ATM: variants seen among roughly 807,000 people sequenced by gnomAD.
ATM encodes the protein ATM serine/threonine kinase.
Under a neutral mutation model 387.0 loss-of-function variants are expected in ATM, and 308 were observed. The ratio of observed to expected loss-of-function variants is 0.80; its 90% CI spans 0.73 to 0.87. The LOEUF is 0.87. ATM is among the 40% of genes least tolerant of loss of function. The pLI is 0.00. For missense variants in ATM, 3,312 were observed against 3,560.9 expected, an observed-to-expected ratio of 0.93 and a Z score of 1.78; for synonymous variants, 1,156 against 1,187.3, an observed-to-expected ratio of 0.97 and a Z score of 0.54.
chr11:108,364,212 C>T (rs1002122471), intron 61 of ATM, among the ~76,000 whole-genome samples: 1 of 152,116 alleles, frequency 6.6e-6, no homozygotes, highest in Non-Finnish European at 1.5e-5. Flanking sequence ...ATACAGATAG[C>T]AGCAAAAAAG....
chr11:108,297,677 G>A (rs1408622195), intron 33 of ATM, among the ~76,000 whole-genome samples: 1 of 152,052 alleles, frequency 6.6e-6, no homozygotes, highest in Non-Finnish European at 1.5e-5. Context: ...TGAGTTATGC[G>A]GTGGTCATCT....
Position 108,244,975 on chromosome 11 carries a change from C to T in ATM, c.850C>T (p.Gln284Ter), listed in dbSNP as rs757782702. The T allele has an allele frequency of 6.2e-7, 1 of 1,612,684 alleles. No homozygotes were observed. The highest frequency in any genetic ancestry group is 1.3e-5 in the African/African-American group (1 of 74,990). ...AAAAGAAGTCATTATTGAATTATTT[C>T]AACTGCAAATTTATATCCATCATCC... ...SLKEVIIELF[Q>*]LQIYIHHPKG... Residue 284 changes from glutamine to a stop codon, truncating the protein, a stop_gained, in exon 7 of 63, where the codon CAA becomes TAA. Transcript: ENST00000675843. LOFTEE classifies it high-confidence loss of function.
At chr11:108,308,838 C>G in intron 38 of ATM, 1 of 578,554 alleles carries the variant, frequency 1.7e-6, no homozygotes, top group Non-Finnish European at 3.0e-6. Flanking sequence ...GTCTTTGCTT[C>G]TGGTTATTTT....
rs227075 is a variant in ATM at position 108,347,469 on chromosome 11, T to C, written c.8671+104T>C. 0.59 allele frequency: 582,279 copies of C among 983,180 alleles called. 174,588 individuals carry two copies. The highest frequency in any genetic ancestry group is 0.75 in the Middle Eastern group (2,311 of 3,068). 60.9% of individuals were successfully genotyped at this position (983,180 alleles called of 1,614,324 possible). A position where few individuals can be genotyped will look rare whatever the true frequency, so the allele number is the denominator to read the frequency against. On this transcript the variant is annotated intron_variant, in intron 59 of 62. Transcript: ENST00000675843. ...TTACAAATATAAGAGACAGATAAAT[T>C]GAAGCAGTAAATATTGGGTTTTTTT...
In ATM at chr11:108,279,537, C is replaced by T; in HGVS notation, c.3331C>T (p.Leu1111Phe). The T allele has an allele frequency of 6.2e-7, 1 of 1,613,762 alleles. No homozygotes were observed. The highest frequency in any genetic ancestry group is 1.1e-5 in the South Asian group (1 of 91,066). ...KGDSSRLLKA[L>F]PLKLQQTAFE... ...AGATTCTTCCAGGTTACTGAAAGCA[C>T]TTCCTTTGAAGCTTCAGCAAACAGC... Residue 1111 changes from leucine (L) to phenylalanine (F), a missense_variant, in exon 23 of 63, where the codon CTT becomes TTT. Leu to Phe is a conservative substitution (Grantham distance 22). Transcript: ENST00000675843.
chr11:108,356,950 G>A (rs1018928322), intron 61 of ATM, among the ~76,000 whole-genome samples: 1 of 152,188 alleles, frequency 6.6e-6, no homozygotes, highest in African/African-American at 2.4e-5. Context: ...AGCCAAGATG[G>A]CCGAATAGGA....
chr11:108,243,992 C>G lies in ATM; in HGVS notation c.536C>G (p.Ser179Ter), dbSNP rs2079698324. 2 of 1,608,972 alleles carry G rather than the reference C, an allele frequency of 1.2e-6. No individual in the cohort carries two copies. The highest frequency in any genetic ancestry group is 1.7e-6 in the Non-Finnish European group (2 of 1,177,382). The change falls in exon 6 of 63, where the codon TCA becomes TGA. Residue 179 changes from serine (S) to a stop codon, truncating the protein, a stop_gained. Transcript: ENST00000675843. LOFTEE classifies it high-confidence loss of function. ...SVYFRLYLKP[S>*]QDVHRVLVAR... ...TACTTCAGGCTCTATCTGAAACCTTCACAAGATGTTCATAGAGTTTTAGTG... is the reference window on the plus strand; with the variant it reads ...TACTTCAGGCTCTATCTGAAACCTTGACAAGATGTTCATAGAGTTTTAGTG...
intron 8 of ATM, among the ~76,000 whole-genome samples, chr11:108,247,956 T>G (rs994692448): frequency 1.3e-5 from 2 of 152,130 alleles, no homozygotes; most frequent in African/African-American, 4.8e-5. Flanking sequence ...CCCAATTCCC[T>G]GCATCTCCTA....
chr11:108,337,300 A>G (rs890338407), intron 56 of ATM, among the ~76,000 whole-genome samples: 5 of 152,236 alleles, frequency 3.3e-5, no homozygotes, highest in African/African-American at 1.2e-4. Flanking sequence ...AACCTTCTGC[A>G]ATAATAACTA....
chr11:108,272,440 A>G (rs1034687392), intron 20 of ATM, 92 bp from the exon 21 acceptor site: 7 of 1,061,296 alleles, frequency 6.6e-6, no homozygotes, highest in South Asian at 3.9e-5. Context: ...AGAAAGACAT[A>G]TTGGAAGTAA....
rs778309703 is a variant in ATM at position 108,301,766 on chromosome 11, C to T, written c.5296C>T (p.Pro1766Ser). The change falls in exon 35 of 63, where the codon CCT becomes TCT. Residue 1766 changes from proline (P) to serine (S), a missense_variant. By Grantham distance (74) the Pro-to-Ser change is moderately conservative. Coordinates refer to ENST00000675843, the MANE Select transcript of ATM (RefSeq NM_000051.4). ...AGATCCAATGCTGGCCTATCTACAG[C>T]CTTTTAGAACATCAAGAAAAAAGGT... The part of the protein sequence containing the change: ...TTDPMLAYLQ[P>S]FRTSRKKFLE... 11 of 1,613,366 alleles carry T rather than the reference C, an allele frequency of 6.8e-6. No individual in the cohort carries two copies. The highest frequency in any genetic ancestry group is 2.5e-6 in the Non-Finnish European group (3 of 1,179,692).
At chr11:108,307,757 A>G (rs1246245883) in intron 37 of ATM, 140 bp from the exon 38 acceptor site, 3 of 713,874 alleles carry the variant, frequency 4.2e-6, no homozygotes, top group Non-Finnish European at 7.3e-6. Flanking sequence ...ATCCTATTAA[A>G]TTCCTTCAGA....
chr11:108,307,905 C>T lies in ATM; in HGVS notation c.5683C>T (p.His1895Tyr), dbSNP rs766901049. Residue 1895 changes from histidine to tyrosine, a missense_variant, in exon 38 of 63, where the codon CAC (histidine) becomes TAC (tyrosine). This residue lies in a region of ATM where 1,405 missense variants were observed against 1,604.4 expected (regional missense o/e 0.88). Transcript: ENST00000675843. ...ATATTTTTGTTTGTCAGAGTCAGAG[C>T]ACTTTTTCCGATGCTGTTTGGATAA... Reference protein sequence around the residue: ...TPANLDSESEHFFRCCLDKKS... With the variant: ...TPANLDSESEYFFRCCLDKKS... 1.4e-5 allele frequency: 23 copies of T among 1,613,324 alleles called. No homozygotes were observed. The highest frequency in any genetic ancestry group is 1.6e-5 in the Non-Finnish European group (19 of 1,179,526).
At chr11:108,362,838 T>A (rs1280869983) in intron 61 of ATM, among the ~76,000 whole-genome samples, 1 of 148,364 alleles carries the variant, frequency 6.7e-6, no homozygotes, top group African/African-American at 2.5e-5. Flanking sequence ...TTGGGAGATA[T>A]ACCTAATGCT....
chr11:108,259,168 A>C, intron 16 of ATM, 93 bp downstream of exon 16: 1 of 1,022,182 alleles, frequency 9.8e-7, no homozygotes, highest in Non-Finnish European at 1.5e-6. Context: ...TGCATCTCAC[A>C]ACATATAGCT....
intron 11 of ATM, 82 bp from the exon 12 acceptor site, chr11:108,252,735 G>C (rs984881207): frequency 4.2e-6 from 4 of 962,068 alleles, no homozygotes; most frequent in Non-Finnish European, 6.5e-6. Context: ...AAGATTTATA[G>C]CTAAACATGG....
At chr11:108,359,145 C>A (rs1244280) in intron 61 of ATM, among the ~76,000 whole-genome samples, 33 of 150,554 alleles carry the variant, frequency 2.2e-4, no homozygotes, top group Admixed American at 6.0e-4. Context: ...GGGTTGCAAT[C>A]CTAGTCTCTG....
rs535370692 is a variant in ATM, at chr11:108,327,072, C to T, written c.6976-573C>T. On this transcript the variant is annotated intron_variant, in intron 47 of 62. Coordinates refer to ENST00000675843, the MANE Select transcript of ATM (RefSeq NM_000051.4). ...CGAACTCCTGAGCTCAGGCAATCTA[C>T]CCGCCTTGTCCTCTGAAAGTGCTGG... 2.6e-5 allele frequency among the ~76,000 whole-genome samples: 4 copies of T among 152,264 alleles called. No homozygotes were observed. In the South Asian group the frequency reaches 8.3e-4, roughly 32 times the overall value.
At chr11:108,321,156 C>A in intron 44 of ATM, 145 bp from the exon 45 acceptor site, 1 of 1,070,848 alleles carries the variant, frequency 9.3e-7, no homozygotes, top group Non-Finnish European at 1.3e-6. Flanking sequence ...GTTTCCACTG[C>A]TATTTTGTAT....
Sources: gnomAD v4.1 joint callset for allele counts (sites outside exome capture counted in the v4.1 genomes callset) on GRCh38, gnomAD v4.1.1 for gene constraint, gnomAD v4.1.1 regional missense constraint, MANE v1.5 for transcripts, NCBI Gene and HGNC (gene_info 2026-07-23, HGNC 2026-07-21) for gene names.